The following BAZ2B variants were observed in gnomAD, a reference collection of about 807,000 sequenced individuals.
BAZ2B encodes the protein bromodomain adjacent to zinc finger domain protein 2B.
Under a neutral mutation model 246.0 loss-of-function variants are expected in BAZ2B, and 91 were observed. That is an observed-to-expected ratio of 0.37 (90% CI 0.31 to 0.44). BAZ2B has a LOEUF of 0.44. Among genes scored for constraint, BAZ2B ranks in the 20% least tolerant of loss-of-function variants. The probability of loss-of-function intolerance (pLI) is 1.00; values close to 1 mark genes in which losing one functional copy is unlikely to be tolerated. For missense variants in BAZ2B, 2,332 were observed against 2,533.7 expected (o/e 0.92, Z 1.71); for synonymous variants, 855 against 860.0 (o/e 0.99, Z 0.10).
At chr2:159,355,577 T>A (rs1007655929) in intron 27 of BAZ2B, among the ~76,000 whole-genome samples, 1 of 152,220 alleles carries the variant, frequency 6.6e-6, no homozygotes, top group African/African-American at 2.4e-5. Flanking sequence ...GGAAGAACAG[T>A]ATTCATATCA....
intron 2 of BAZ2B, among the ~76,000 whole-genome samples, chr2:159,487,743 A>T (rs1291439359): frequency 6.6e-6 from 1 of 152,008 alleles, no homozygotes; most frequent in Non-Finnish European, 1.5e-5. Flanking sequence ...AGAACTTCAG[A>T]GCTTGAAGAC....
chr2:159,423,743 C>T (rs1239313697), intron 13 of BAZ2B, among the ~76,000 whole-genome samples: 3 of 152,206 alleles, frequency 2.0e-5, no homozygotes, highest in Admixed American at 6.5e-5. Flanking sequence ...GAAGCCATCA[C>T]CTAAGTGAGA....
At chr2:159,482,362 C>A (rs2079340970) in intron 2 of BAZ2B, among the ~76,000 whole-genome samples, 1 of 152,026 alleles carries the variant, frequency 6.6e-6, no homozygotes, top group African/African-American at 2.4e-5. Flanking sequence ...TTCTCAATTT[C>A]CTCATGAGTG....
chr2:159,317,737 CAGAG>C (rs201079792), downstream of BAZ2B, among the ~76,000 whole-genome samples: 2 of 151,748 alleles, frequency 1.3e-5, no homozygotes, highest in South Asian at 2.1e-4. Flanking sequence ...TATGTGACAG[CAGAG>C]AGAGTTAGGA....
Position 159,433,003 on chromosome 2 carries a change from T to C in BAZ2B, c.1654A>G (p.Met552Val), listed in dbSNP as rs745482848. ...RRTPGNQTPVMPSASPILHSQ... is the reference protein window; with the variant it reads ...RRTPGNQTPVVPSASPILHSQ... Reference sequence around the variant, plus strand: ...TGCAGGATGGGAGAGGCAGAGGGCATTACAGGTGTCTGATTGCCAGGGGTT... The same window carrying C: ...TGCAGGATGGGAGAGGCAGAGGGCACTACAGGTGTCTGATTGCCAGGGGTT... The change falls in exon 9 of 37, where the codon ATG becomes GTG. Residue 552 changes from methionine (M) to valine (V), a missense_variant. Around this residue, in one of 9 missense-constraint regions of BAZ2B, gnomAD observed 651 missense variants for 650.9 expected, o/e 1.00. Transcript: ENST00000392783. 4.2e-5 allele frequency: 67 copies of C among 1,614,044 alleles called. No homozygotes were observed. The highest frequency in any genetic ancestry group is 5.4e-5 in the Non-Finnish European group (64 of 1,180,026).
chr2:159,363,617 A>G (rs1039577139), intron 27 of BAZ2B, among the ~76,000 whole-genome samples: 3 of 152,332 alleles, frequency 2.0e-5, no homozygotes, highest in African/African-American at 7.2e-5. Flanking sequence ...GAAGGAGTAG[A>G]CCGATAGGCT....
At chr2:159,357,283 G>C (rs1023557398) in intron 27 of BAZ2B, among the ~76,000 whole-genome samples, 6 of 151,874 alleles carry the variant, frequency 4.0e-5, no homozygotes, top group African/African-American at 1.5e-4. Context: ...GGACATAAAT[G>C]ACCTGATGGA....
intron 6 of BAZ2B, among the ~76,000 whole-genome samples, 161 bp downstream of exon 6, chr2:159,446,621 G>T (rs2074287143): frequency 6.6e-6 from 1 of 152,116 alleles, no homozygotes; most frequent in Non-Finnish European, 1.5e-5. Flanking sequence ...ATTACTATTT[G>T]TATTATTTAT....
At chr2:159,448,441 T>C (rs1393190488) in intron 4 of BAZ2B, 32 bp from the exon 5 acceptor site, 10 of 1,516,780 alleles carry the variant, frequency 6.6e-6, no homozygotes, top group East Asian at 4.9e-5. Flanking sequence ...CAAACAAAAA[T>C]ATATAAATTA....
At chr2:159,626,103 G>C in the BAZ2B span, among the ~76,000 whole-genome samples, 4 of 151,834 alleles carry the variant, frequency 2.6e-5, no homozygotes, top group East Asian at 7.7e-4. Flanking sequence ...TAATAGTAAA[G>C]GGATCAATGC....
chr2:159,347,977 C>G (rs2058123721), intron 30 of BAZ2B, among the ~76,000 whole-genome samples: 1 of 152,094 alleles, frequency 6.6e-6, no homozygotes, highest in South Asian at 2.1e-4. Context: ...CTAGGACCCC[C>G]TCTGCCCCCA....
chr2:159,564,553 G>GA (rs1365046564), intron 1 of BAZ2B, among the ~76,000 whole-genome samples: 2 of 152,174 alleles, frequency 1.3e-5, no homozygotes, highest in African/African-American at 4.8e-5. Context: ...TATTGGTGGT[G>GA]AAAAAAGTGA....
intron 1 of BAZ2B, among the ~76,000 whole-genome samples, chr2:159,590,550 C>T (rs1030185719): frequency 2.0e-5 from 3 of 151,892 alleles, no homozygotes; most frequent in African/African-American, 7.3e-5. Context: ...CAAGATCGTG[C>T]CACTTCACTC....
At chr2:159,580,577 T>C (rs375050685) in intron 1 of BAZ2B, among the ~76,000 whole-genome samples, 3 of 152,202 alleles carry the variant, frequency 2.0e-5, no homozygotes, top group African/African-American at 4.8e-5. Flanking sequence ...TTAAAGTTCA[T>C]ATGGAACCAA....
chr2:159,487,553 C>T (rs965819751), intron 2 of BAZ2B, among the ~76,000 whole-genome samples: 2 of 152,078 alleles, frequency 1.3e-5, no homozygotes, highest in African/African-American at 4.8e-5. Context: ...AACCACTGCC[C>T]ACGGTATCTT....
chr2:159,340,691 G>T (rs996272890), intron 31 of BAZ2B, among the ~76,000 whole-genome samples: 4 of 151,390 alleles, frequency 2.6e-5, no homozygotes, highest in African/African-American at 4.8e-5. Context: ...AGGAGAAAAA[G>T]AATCTTTTAC....
intron 1 of BAZ2B, among the ~76,000 whole-genome samples, chr2:159,579,568 C>T (rs140469056): frequency 1.8e-4 from 27 of 152,292 alleles, no homozygotes; most frequent in African/African-American, 6.3e-4. Flanking sequence ...CTCCCTAACT[C>T]ATTTTAATGC....
At chr2:159,369,686 G>A (rs915162741) in intron 27 of BAZ2B, among the ~76,000 whole-genome samples, 2 of 152,076 alleles carry the variant, frequency 1.3e-5, no homozygotes, top group Admixed American at 1.3e-4. Context: ...CTGGGGTAGG[G>A]CTCAGATTGA....
intron 1 of BAZ2B, among the ~76,000 whole-genome samples, chr2:159,613,626 A>C (rs1450463920): frequency 3.9e-5 from 6 of 152,174 alleles, no homozygotes; most frequent in Non-Finnish European, 4.4e-5. Flanking sequence ...AATAATATGT[A>C]CAGTGTTTAC....
Sources: gnomAD v4.1 joint callset for allele counts (sites outside exome capture counted in the v4.1 genomes callset) on GRCh38, gnomAD v4.1.1 for gene constraint, gnomAD v4.1.1 regional missense constraint, MANE v1.5 for transcripts, NCBI Gene and HGNC (gene_info 2026-07-23, HGNC 2026-07-21) for gene names.